The following RIGI variants were observed in gnomAD, a reference collection of about 807,000 sequenced individuals.
RIGI encodes the protein RNA sensor RIG-I, also known as antiviral innate immune response receptor RIG-I.
At chr9:32,467,182 A>C in the RIGI span, among the ~76,000 whole-genome samples, 1 of 152,190 alleles carries the variant, frequency 6.6e-6, no homozygotes, top group Non-Finnish European at 1.5e-5. Context: ...GATAATGCAC[A>C]AAAGGGAAGA....
At chr9:32,513,643 A>G in the RIGI span, among the ~76,000 whole-genome samples, 1 of 152,238 alleles carries the variant, frequency 6.6e-6, no homozygotes, top group African/African-American at 2.4e-5. Context: ...AAACCTAGGC[A>G]ATACCATTCA....
chr9:32,465,459 C>T, the RIGI span, among the ~76,000 whole-genome samples: 2 of 152,216 alleles, frequency 1.3e-5, no homozygotes, highest in African/African-American at 4.8e-5. Context: ...CTATGTCTCA[C>T]ACTTCTGTCC....
the RIGI span, chr9:32,498,320 G>A: frequency 4.4e-6 from 2 of 456,642 alleles, no homozygotes; most frequent in Non-Finnish European, 8.8e-6. Context: ...ACCTGCCCAG[G>A]TGCATGCTTC....
the RIGI span, among the ~76,000 whole-genome samples, chr9:32,464,066 T>C: frequency 2.0e-5 from 3 of 150,256 alleles, no homozygotes; most frequent in Non-Finnish European, 3.0e-5. Flanking sequence ...GGATGGGGAG[T>C]GCTCTAGTGA....
chr9:32,512,803 T>C, the RIGI span, among the ~76,000 whole-genome samples: 4 of 152,116 alleles, frequency 2.6e-5, no homozygotes, highest in African/African-American at 9.7e-5. Flanking sequence ...GATGACATGA[T>C]TGTATATCTA....
chr9:32,458,184 G>A, the RIGI span, among the ~76,000 whole-genome samples: 2 of 152,218 alleles, frequency 1.3e-5, no homozygotes, highest in African/African-American at 4.8e-5. Context: ...CCATGCAAGA[G>A]TTATACCCCA....
At chr9:32,482,187 TTG>T in the RIGI span, among the ~76,000 whole-genome samples, 5,760 of 144,500 alleles carry the variant, frequency 0.04, 290 homozygotes, top group African/African-American at 0.12. Context: ...GTGTGTTTGT[TTG>T]TGTGTGTGTG....
chr9:32,472,892 T>C, the RIGI span: 1 of 679,476 alleles, frequency 1.5e-6, no homozygotes, highest in African/African-American at 1.9e-5. Flanking sequence ...ATATTATATA[T>C]ATACACACAC....
the RIGI span, among the ~76,000 whole-genome samples, chr9:32,473,497 G>A: frequency 6.6e-6 from 1 of 151,932 alleles, no homozygotes; most frequent in African/African-American, 2.4e-5. Context: ...ATGTTGGCCA[G>A]GCTGGTCTTG....
At chr9:32,481,267 T>C in the RIGI span, 1 of 1,453,268 alleles carries the variant, frequency 6.9e-7, no homozygotes, top group Non-Finnish European at 9.3e-7. Context: ...AAGTTGATGT[T>C]ATCTTGGCTT....
At chr9:32,463,079 C>G in the RIGI span, among the ~76,000 whole-genome samples, 1 of 152,002 alleles carries the variant, frequency 6.6e-6, no homozygotes, top group Non-Finnish European at 1.5e-5. Context: ...GAGCCAATAT[C>G]ACACCACTGC....
chr9:32,520,833 C>T, the RIGI span, among the ~76,000 whole-genome samples: 2 of 32,908 alleles, frequency 6.1e-5, no homozygotes, highest in South Asian at 1.4e-3. Context: ...TCAGGCTGGG[C>T]GTGGTGGCTC....
the RIGI span, chr9:32,480,134 T>G: frequency 6.9e-7 from 1 of 1,444,914 alleles, no homozygotes; most frequent in African/African-American, 1.4e-5. Context: ...CAAGTTTATA[T>G]ATATTAAATG....
At chr9:32,498,596 T>C in the RIGI span, among the ~76,000 whole-genome samples, 1 of 152,300 alleles carries the variant, frequency 6.6e-6, no homozygotes, top group South Asian at 2.1e-4. Context: ...AATTATGTAA[T>C]ATTTGATGCA....
chr9:32,488,055 A>C, the RIGI span: 2 of 1,614,134 alleles, frequency 1.2e-6, no homozygotes, highest in Admixed American at 3.3e-5. Context: ...AATATCATCA[A>C]AGTAAAGATG....
the RIGI span, chr9:32,489,574 G>C: frequency 2.0e-6 from 1 of 489,440 alleles, no homozygotes; most frequent in Non-Finnish European, 3.6e-6. Context: ...AGAAAGTTTA[G>C]AATCCTTTCT....
chr9:32,493,928 A>G, the RIGI span: 3 of 1,604,196 alleles, frequency 1.9e-6, no homozygotes, highest in East Asian at 2.2e-5. Context: ...ATGGCTTCAT[A>G]AAGTCCAGAA....
chr9:32,513,162 T>C, the RIGI span, among the ~76,000 whole-genome samples: 1 of 151,862 alleles, frequency 6.6e-6, no homozygotes, highest in Non-Finnish European at 1.5e-5. Context: ...AATTTATAGA[T>C]TCAATGCCAT....
the RIGI span, among the ~76,000 whole-genome samples, chr9:32,475,716 AGAT>A: frequency 6.6e-6 from 1 of 152,206 alleles, no homozygotes; most frequent in African/African-American, 2.4e-5. Flanking sequence ...TAACGCTTCT[AGAT>A]GATAACATAG....
Sources: allele counts gnomAD v4.1 joint callset (sites outside exome capture counted in the v4.1 genomes callset), GRCh38; gene constraint gnomAD v4.1.1; transcripts MANE v1.5; gene names NCBI Gene and HGNC (gene_info 2026-07-23, HGNC 2026-07-21).